Variants in OTOGL observed in about 807,000 individuals in gnomAD.
OTOGL encodes the protein otogelin-like protein.
Under a neutral mutation model 318.5 loss-of-function variants are expected in OTOGL, and 285 were observed. The ratio of observed to expected loss-of-function variants is 0.89; its 90% CI spans 0.81 to 0.99. OTOGL has a LOEUF of 0.99. Among genes scored for constraint, OTOGL ranks in the 50% least tolerant of loss-of-function variants. The probability of loss-of-function intolerance (pLI) is 0.00; values close to 1 mark genes in which losing one functional copy is unlikely to be tolerated. For missense variants in OTOGL, 2,899 were observed against 2,845.6 expected (o/e 1.02, Z -0.43); for synonymous variants, 987 against 936.5 (o/e 1.05, Z -0.99).
intron 24 of OTOGL, among the ~76,000 whole-genome samples, chr12:80,276,403 T>C (rs938758151): frequency 1.3e-5 from 2 of 151,752 alleles, no homozygotes; most frequent in South Asian, 2.1e-4. Flanking sequence ...TCAAGAATAT[T>C]AGTTTTGTTA....
chr12:80,300,476 A>G (rs1885686442), intron 27 of OTOGL, among the ~76,000 whole-genome samples: 1 of 152,174 alleles, frequency 6.6e-6, no homozygotes, highest in Admixed American at 6.5e-5. Context: ...CAAGGCTTCA[A>G]GGCCCAGACA....
At chr12:80,116,244 G>A (rs1045108189) in intron 1 of OTOGL, among the ~76,000 whole-genome samples, 3 of 152,030 alleles carry the variant, frequency 2.0e-5, no homozygotes, top group African/African-American at 7.2e-5. Flanking sequence ...GTAGTATCTG[G>A]GCCGGATAGC....
chr12:80,358,546 G>T, intron 50 of OTOGL, 125 bp from the exon 51 acceptor site: 1 of 860,222 alleles, frequency 1.2e-6, no homozygotes. Context: ...ATCTGACGGT[G>T]GGAGAGGTAG....
Position 80,176,880 on chromosome 12 carries a change from G to A in OTOGL, c.-19-32533G>A, listed in dbSNP as rs145664130. On this transcript the variant is annotated intron_variant, in intron 1 of 58. Transcript: ENST00000547103. The stretch of plus-strand genomic sequence containing the variant: ...TTATAAGCACTGTGTGAAAATTCCT[G>A]TTGTTCTCCATCATTGCCAACAATT... 2.0e-5 allele frequency among the ~76,000 whole-genome samples: 3 copies of A among 152,056 alleles called. No homozygotes were observed. In the East Asian group the frequency reaches 5.8e-4, roughly 29 times the overall value.
chr12:80,244,776 C>A (rs914779894), intron 11 of OTOGL, among the ~76,000 whole-genome samples: 1 of 147,150 alleles, frequency 6.8e-6, no homozygotes, highest in Admixed American at 6.6e-5. Context: ...AGTTTACAGT[C>A]CCACCAACAG....
intron 1 of OTOGL, chr12:80,208,301 A>T (rs1592547510): frequency 2.1e-6 from 1 of 478,018 alleles, no homozygotes; most frequent in African/African-American, 2.0e-5. Flanking sequence ...GGACCATGTA[A>T]CATTAGTTAG....
At chr12:80,333,770 A>G (rs1402311287) in intron 38 of OTOGL, among the ~76,000 whole-genome samples, 2 of 152,172 alleles carry the variant, frequency 1.3e-5, no homozygotes, top group Non-Finnish European at 2.9e-5. Flanking sequence ...CTGATAAGGC[A>G]ACCTCTAAGC....
chr12:80,160,366 T>A (rs947955983), intron 1 of OTOGL, among the ~76,000 whole-genome samples: 3 of 151,962 alleles, frequency 2.0e-5, no homozygotes, highest in Non-Finnish European at 4.4e-5. Context: ...ATATCCAGAA[T>A]CTGCAAGGAA....
chr12:80,187,861 T>C (rs1875400184), intron 1 of OTOGL, among the ~76,000 whole-genome samples: 1 of 152,186 alleles, frequency 6.6e-6, no homozygotes, highest in Non-Finnish European at 1.5e-5. Context: ...AAAGATCAAG[T>C]GTCAGTCATG....
At chr12:80,244,037 G>A (rs1049261061) in intron 11 of OTOGL, among the ~76,000 whole-genome samples, 13 of 151,150 alleles carry the variant, frequency 8.6e-5, no homozygotes, top group African/African-American at 3.1e-4. Flanking sequence ...TTCCAACTCA[G>A]AATATCTTGG....
At chr12:80,226,709 T>G (rs1236400020) in intron 7 of OTOGL, among the ~76,000 whole-genome samples, 3 of 152,178 alleles carry the variant, frequency 2.0e-5, no homozygotes, top group Admixed American at 6.6e-5. Context: ...ACTAGAGAGA[T>G]AGGTTCTGAA....
intron 29 of OTOGL, among the ~76,000 whole-genome samples, chr12:80,307,894 G>A (rs1156936124): frequency 7.2e-5 from 10 of 138,026 alleles, no homozygotes; most frequent in African/African-American, 1.5e-4. Context: ...CCTCCCTCCC[G>A]GACGGGGCGG....
chr12:80,174,497 T>A (rs953928935), intron 1 of OTOGL, among the ~76,000 whole-genome samples: 3 of 152,192 alleles, frequency 2.0e-5, no homozygotes, highest in African/African-American at 7.2e-5. Flanking sequence ...CTTTTTTAAA[T>A]TGGCTTTGAT....
intron 26 of OTOGL, among the ~76,000 whole-genome samples, chr12:80,284,503 A>G (rs1412699548): frequency 5.9e-5 from 9 of 152,148 alleles, no homozygotes; most frequent in Non-Finnish European, 8.8e-5. Flanking sequence ...CAGCAGTGTA[A>G]AAGTGTTCCT....
At chr12:80,308,181 C>T (rs1258546760) in intron 29 of OTOGL, among the ~76,000 whole-genome samples, 1 of 149,944 alleles carries the variant, frequency 6.7e-6, no homozygotes, top group African/African-American at 2.5e-5. Flanking sequence ...GAGGTGGCTG[C>T]CGGGCGGAGA....
chr12:80,302,601 C>A, intron 27 of OTOGL, 33 bp from the exon 28 acceptor site: 1 of 1,253,574 alleles, frequency 8.0e-7, no homozygotes, highest in Non-Finnish European at 1.0e-6. Context: ...GAACTTACTA[C>A]TCACTTTGTT....
intron 26 of OTOGL, among the ~76,000 whole-genome samples, chr12:80,287,017 CAT>C (rs1884684662): frequency 6.7e-6 from 1 of 148,160 alleles, no homozygotes; most frequent in Non-Finnish European, 1.5e-5. Flanking sequence ...CTGATGTGGG[CAT>C]TTAGATTTAT....
chr12:80,301,851 G>GT (rs1436139321), intron 27 of OTOGL, among the ~76,000 whole-genome samples: 1 of 152,158 alleles, frequency 6.6e-6, no homozygotes, highest in Non-Finnish European at 1.5e-5. Flanking sequence ...ACATATTTCT[G>GT]TTCATGCCTT....
chr12:80,125,933 C>T (rs1471445297), intron 1 of OTOGL, among the ~76,000 whole-genome samples: 2 of 151,922 alleles, frequency 1.3e-5, no homozygotes, highest in African/African-American at 2.4e-5. Context: ...TCTCTCTTTT[C>T]TTCTTAATTA....
Sources: allele counts gnomAD v4.1 joint callset (sites outside exome capture counted in the v4.1 genomes callset), GRCh38; gene constraint gnomAD v4.1.1; transcripts MANE v1.5; gene names NCBI Gene and HGNC (gene_info 2026-07-23, HGNC 2026-07-21).